CDH13: variants seen among roughly 807,000 people sequenced by gnomAD.
CDH13 encodes the protein cadherin-13.
CDH13 carries 24 observed loss-of-function variants against 63.8 expected under a neutral mutation model. The ratio of observed to expected loss-of-function variants is 0.38; its 90% CI spans 0.27 to 0.53. The LOEUF (loss-of-function observed/expected upper bound fraction) is 0.53, where lower values mean the gene tolerates loss of function less well. CDH13 is among the 20% of genes least tolerant of loss of function. The pLI, the probability that CDH13 is intolerant of heterozygous loss-of-function variation, is 0.85. For missense variants in CDH13, 1,049 were observed against 903.1 expected, an observed-to-expected ratio of 1.16 and a Z score of -2.07; for synonymous variants, 503 against 355.3, an observed-to-expected ratio of 1.42 and a Z score of -4.67.
intron 4 of CDH13, among the ~76,000 whole-genome samples, chr16:83,191,481 ATATATATG>A (rs1190358276): frequency 3.7e-4 from 46 of 124,438 alleles, no homozygotes; most frequent in African/African-American, 1.4e-3. Context: ...ATATATATAT[ATATATATG>A]CACATATATA....
intron 1 of CDH13, 94 bp downstream of exon 1, chr16:82,627,231 G>A (rs1172590934): frequency 9.1e-7 from 1 of 1,100,814 alleles, no homozygotes; most frequent in Non-Finnish European, 1.4e-6. Flanking sequence ...CGGGGGGTCG[G>A]GGCCTCCGGT....
chr16:83,284,422 C>T (rs375273961), intron 5 of CDH13, among the ~76,000 whole-genome samples: 1 of 152,272 alleles, frequency 6.6e-6, no homozygotes, highest in East Asian at 1.9e-4. Context: ...TGAGACCACT[C>T]ATTAAAATAT....
intron 7 of CDH13, among the ~76,000 whole-genome samples, chr16:83,499,962 G>A (rs8058039): frequency 0.018 from 2,700 of 151,880 alleles, 83 homozygotes; most frequent in African/African-American, 0.061. Context: ...GCCACCACGC[G>A]CAGCTAATTT....
At chr16:82,674,757 G>C (rs1913701035) in intron 1 of CDH13, among the ~76,000 whole-genome samples, 1 of 152,208 alleles carries the variant, frequency 6.6e-6, no homozygotes, top group Non-Finnish European at 1.5e-5. Flanking sequence ...TGGAAAGAAA[G>C]AAAGAAAGAC....
intron 5 of CDH13, among the ~76,000 whole-genome samples, chr16:83,220,520 G>T (rs1175220879): frequency 1.3e-5 from 2 of 151,984 alleles, no homozygotes; most frequent in Non-Finnish European, 2.9e-5. Context: ...AGAGAGCCGG[G>T]TGCAGCACAC....
rs183495305 is a variant in CDH13 at position 83,477,819 on chromosome 16, A to G, written c.782-8658A>G. ...CTCTTTTGTTTGGCCTTCTAGTCCC[A>G]CTGAGTGATCTTTTATTTTTTAAAT... On this transcript the variant is annotated intron_variant, in intron 6 of 13. Transcript: ENST00000567109. Among the ~76,000 whole-genome samples the G allele has an allele frequency of 5.9e-5, 9 of 152,252 alleles. No homozygotes were observed. The East Asian group carries it at 1.4e-3, about 23-fold the overall frequency.
chr16:83,719,304 G>A (rs879550245), intron 10 of CDH13, among the ~76,000 whole-genome samples: 2 of 152,302 alleles, frequency 1.3e-5, no homozygotes, highest in Admixed American at 6.5e-5. Context: ...CAGACCCTAT[G>A]TGGGATCTGT....
chr16:82,865,332 A>T (rs1207764796), intron 2 of CDH13, among the ~76,000 whole-genome samples: 1 of 152,228 alleles, frequency 6.6e-6, no homozygotes, highest in African/African-American at 2.4e-5. Context: ...GCACTGCCTT[A>T]GCAGAAATTC....
intron 3 of CDH13, among the ~76,000 whole-genome samples, chr16:83,040,951 A>G (rs559750341): frequency 1.4e-4 from 21 of 152,136 alleles, no homozygotes; most frequent in Non-Finnish European, 2.8e-4. Context: ...TAACCTGTAT[A>G]TATTCAGGAT....
intron 4 of CDH13, among the ~76,000 whole-genome samples, chr16:83,166,785 A>G (rs951039916): frequency 2.6e-5 from 4 of 152,206 alleles, no homozygotes; most frequent in South Asian, 4.1e-4. Context: ...CCCGTTGGGC[A>G]TCAAGTAGCT....
chr16:83,216,637 A>T (rs1317289684), intron 4 of CDH13, among the ~76,000 whole-genome samples: 2 of 144,354 alleles, frequency 1.4e-5, no homozygotes, highest in South Asian at 2.2e-4. Flanking sequence ...GGGGTTTAAT[A>T]TATATATTAT....
intron 2 of CDH13, among the ~76,000 whole-genome samples, chr16:83,023,570 C>T (rs998615307): frequency 6.6e-6 from 1 of 152,206 alleles, no homozygotes; most frequent in South Asian, 2.1e-4. Flanking sequence ...CAGTTATCCA[C>T]ATGGTGTCAT....
intron 2 of CDH13, among the ~76,000 whole-genome samples, chr16:82,997,545 C>G (rs1038585175): frequency 6.6e-6 from 1 of 152,182 alleles, no homozygotes; most frequent in Non-Finnish European, 1.5e-5. Context: ...ACAATATATT[C>G]TATTTACCTT....
intron 7 of CDH13, among the ~76,000 whole-genome samples, chr16:83,592,771 C>CA (rs1290099633): frequency 1.3e-5 from 2 of 151,812 alleles, no homozygotes; most frequent in Middle Eastern, 3.4e-3. Context: ...GCCACGAATG[C>CA]AAAAATAAAT....
At chr16:82,941,399 G>T (rs1904284994) in intron 2 of CDH13, among the ~76,000 whole-genome samples, 1 of 152,130 alleles carries the variant, frequency 6.6e-6, no homozygotes, top group Non-Finnish European at 1.5e-5. Context: ...AATTTCACGG[G>T]GGTGGGTGCT....
intron 2 of CDH13, among the ~76,000 whole-genome samples, chr16:82,950,852 C>T (rs1172674901): frequency 2.1e-5 from 3 of 144,218 alleles, no homozygotes; most frequent in Non-Finnish European, 4.5e-5. Context: ...GACAGTGAAA[C>T]CCACAGCAGT....
At chr16:83,519,127 A>T (rs1023579841) in intron 7 of CDH13, among the ~76,000 whole-genome samples, 1 of 152,220 alleles carries the variant, frequency 6.6e-6, no homozygotes, top group African/African-American at 2.4e-5. Context: ...AGAGTTTTAT[A>T]GGGACTGGGA....
intron 5 of CDH13, among the ~76,000 whole-genome samples, chr16:83,301,751 T>A (rs1012190759): frequency 1.3e-5 from 2 of 152,182 alleles, no homozygotes; most frequent in African/African-American, 4.8e-5. Flanking sequence ...CCTTCTTTGA[T>A]GTTCAAAAAT....
intron 2 of CDH13, among the ~76,000 whole-genome samples, chr16:82,934,461 G>A (rs1406148231): frequency 6.6e-6 from 1 of 152,124 alleles, no homozygotes; most frequent in Non-Finnish European, 1.5e-5. Flanking sequence ...TGATGGCAGG[G>A]GCTACCATGA....
Sources: allele counts gnomAD v4.1 joint callset (sites outside exome capture counted in the v4.1 genomes callset), GRCh38; gene constraint gnomAD v4.1.1; transcripts MANE v1.5; gene names NCBI Gene and HGNC (gene_info 2026-07-23, HGNC 2026-07-21).